Variants in CTNNA2 observed in about 807,000 individuals in gnomAD.
CTNNA2 encodes catenin alpha-2.
Under a neutral mutation model 101.0 loss-of-function variants are expected in CTNNA2, and 42 were observed. The ratio of observed to expected loss-of-function variants is 0.42; its 90% CI spans 0.32 to 0.54. CTNNA2 has a LOEUF of 0.54. Among genes scored for constraint, CTNNA2 ranks in the 20% least tolerant of loss-of-function variants. CTNNA2 has a pLI of 0.14. For missense variants in CTNNA2, 871 were observed against 1,223.1 expected (o/e 0.71, Z 4.29); for synonymous variants, 450 against 456.4 (o/e 0.99, Z 0.18).
At chr2:80,503,216 A>G (rs1363381602) in intron 9 of CTNNA2, among the ~76,000 whole-genome samples, 2 of 152,132 alleles carry the variant, frequency 1.3e-5, no homozygotes, top group Admixed American at 6.5e-5. Context: ...AATTCTACCA[A>G]TTGCAAAACG....
chr2:80,306,798 A>T (rs111816354), intron 7 of CTNNA2, among the ~76,000 whole-genome samples: 1 of 148,046 alleles, frequency 6.8e-6, no homozygotes, highest in African/African-American at 2.6e-5. Flanking sequence ...GTTGCTAGGA[A>T]AAAAAAAAAT....
chr2:80,309,152 C>T (rs1397040527), intron 7 of CTNNA2, among the ~76,000 whole-genome samples: 1 of 152,074 alleles, frequency 6.6e-6, no homozygotes, highest in Non-Finnish European at 1.5e-5. Context: ...AATGCCAGTT[C>T]ATGAGGCCTG....
intron 7 of CTNNA2, among the ~76,000 whole-genome samples, chr2:80,060,009 G>A (rs553085638): frequency 6.6e-6 from 1 of 152,110 alleles, no homozygotes; most frequent in Admixed American, 6.6e-5. Context: ...AACTATTTAG[G>A]TACTGAATAA....
intron 2 of CTNNA2, among the ~76,000 whole-genome samples, chr2:79,216,818 TG>T (rs1256895987): frequency 2.0e-5 from 3 of 151,468 alleles, no homozygotes; most frequent in Non-Finnish European, 4.4e-5. Context: ...GAGAAGGGGT[TG>T]GGGGGTTCAT....
chr2:79,869,164 A>C (rs1574180200), intron 4 of CTNNA2, among the ~76,000 whole-genome samples: 1 of 152,248 alleles, frequency 6.6e-6, no homozygotes, highest in Non-Finnish European at 1.5e-5. Context: ...GCGATTTGGA[A>C]GCATGGCACA....
intron 9 of CTNNA2, among the ~76,000 whole-genome samples, chr2:80,451,426 C>T (rs1683496117): frequency 6.6e-6 from 1 of 152,124 alleles, no homozygotes; most frequent in East Asian, 1.9e-4. Flanking sequence ...CCTGAGGCCT[C>T]CCCAGCCCTG....
At chr2:79,943,219 C>A (rs747103850) in intron 7 of CTNNA2, among the ~76,000 whole-genome samples, 9 of 151,738 alleles carry the variant, frequency 5.9e-5, no homozygotes, top group Non-Finnish European at 1.0e-4. Context: ...GGGGGTGGGG[C>A]AGGGGGAAGT....
At chr2:80,290,695 A>C (rs556888557) in intron 7 of CTNNA2, among the ~76,000 whole-genome samples, 260 of 152,220 alleles carry the variant, frequency 1.7e-3, no homozygotes, top group African/African-American at 5.9e-3. Context: ...GGTTTACCCC[A>C]AAAATTAGTA....
At chr2:80,533,684 C>G (rs1397223350) in intron 9 of CTNNA2, among the ~76,000 whole-genome samples, 1 of 152,080 alleles carries the variant, frequency 6.6e-6, no homozygotes, top group Non-Finnish European at 1.5e-5. Flanking sequence ...ATATGAAGGT[C>G]AACATGTTGT....
At chr2:80,059,215 T>A (rs1283620891) in intron 7 of CTNNA2, among the ~76,000 whole-genome samples, 3 of 152,100 alleles carry the variant, frequency 2.0e-5, no homozygotes, top group African/African-American at 7.2e-5. Context: ...GGCATGTAGT[T>A]CAGTTGCCCC....
At chr2:79,362,918 G>A (rs1394443393) in intron 3 of CTNNA2, among the ~76,000 whole-genome samples, 1 of 152,172 alleles carries the variant, frequency 6.6e-6, no homozygotes, top group African/African-American at 2.4e-5. Context: ...GCATTAGTTA[G>A]CCTATCCTAA....
intron 18 of CTNNA2, among the ~76,000 whole-genome samples, chr2:80,627,418 G>A (rs1042502181): frequency 9.9e-5 from 15 of 152,150 alleles, no homozygotes; most frequent in Admixed American, 6.6e-5. Flanking sequence ...TCTAACTGGT[G>A]TGAGATGGTA....
At chr2:80,576,027 G>A (rs1311873637) in intron 13 of CTNNA2, among the ~76,000 whole-genome samples, 3 of 152,082 alleles carry the variant, frequency 2.0e-5, no homozygotes, top group African/African-American at 4.8e-5. Flanking sequence ...TAATGATTGA[G>A]TCTACTTTAA....
At chr2:80,003,632 AT>A (rs2103973947) in intron 7 of CTNNA2, among the ~76,000 whole-genome samples, 1 of 152,262 alleles carries the variant, frequency 6.6e-6, no homozygotes, top group Admixed American at 6.5e-5. Flanking sequence ...AGAATTCCAT[AT>A]GTTAATTGCA....
chr2:79,573,235 C>CT (rs1044522407), intron 1 of CTNNA2, among the ~76,000 whole-genome samples: 3 of 152,132 alleles, frequency 2.0e-5, no homozygotes, highest in Admixed American at 6.6e-5. Flanking sequence ...TTACAACGAA[C>CT]TTTTTTTGTC....
chr2:79,228,839 A>G (rs1291117776), intron 2 of CTNNA2, among the ~76,000 whole-genome samples: 3 of 152,184 alleles, frequency 2.0e-5, no homozygotes, highest in African/African-American at 7.2e-5. Flanking sequence ...ACAAATGTAA[A>G]GAAGGGTATC....
At chr2:80,490,394 A>G (rs1415941411) in intron 9 of CTNNA2, among the ~76,000 whole-genome samples, 1 of 151,622 alleles carries the variant, frequency 6.6e-6, no homozygotes, top group Non-Finnish European at 1.5e-5. Flanking sequence ...AAGGAGAAAC[A>G]GACAAAGTGC....
intron 2 of CTNNA2, among the ~76,000 whole-genome samples, chr2:79,679,845 G>A (rs1340185743): frequency 6.6e-6 from 1 of 151,962 alleles, no homozygotes; most frequent in Non-Finnish European, 1.5e-5. Flanking sequence ...GTCCTCCTGC[G>A]TCTTCTCCCC....
intron 7 of CTNNA2, among the ~76,000 whole-genome samples, chr2:80,026,034 A>G (rs544632560): frequency 2.8e-4 from 43 of 152,252 alleles, no homozygotes; most frequent in Non-Finnish European, 4.0e-4. Flanking sequence ...ACAGCGGGGA[A>G]GGGGGAAGAG....
Sources: allele counts gnomAD v4.1 joint callset (sites outside exome capture counted in the v4.1 genomes callset), GRCh38; gene constraint gnomAD v4.1.1; transcripts MANE v1.5; gene names NCBI Gene and HGNC (gene_info 2026-07-23, HGNC 2026-07-21).